The following CTNND2 variants were observed in gnomAD, a reference collection of about 807,000 sequenced individuals.
The protein encoded by CTNND2 is catenin delta-2.
CTNND2 carries 22 observed loss-of-function variants against 144.4 expected under a neutral mutation model. The ratio of observed to expected loss-of-function variants is 0.15; its 90% confidence interval spans 0.11 to 0.22. The LOEUF is 0.22. CTNND2 is among the 10% of genes least tolerant of loss of function. The probability of loss-of-function intolerance (pLI) is 1.00; values close to 1 mark genes in which losing one functional copy is unlikely to be tolerated. For missense variants in CTNND2, 1,353 were observed against 1,618.8 expected, an observed-to-expected ratio of 0.84 and a Z score of 2.82; for synonymous variants, 751 against 695.6, an observed-to-expected ratio of 1.08 and a Z score of -1.25.
chr5:11,067,469 G>A (rs575830593), intron 16 of CTNND2, among the ~76,000 whole-genome samples: 5 of 152,326 alleles, frequency 3.3e-5, no homozygotes, highest in Admixed American at 6.5e-5. Context: ...GGGCCAAAGC[G>A]CAAGAGGGAA....
chr5:11,714,510 T>G (rs1786233085), intron 2 of CTNND2, among the ~76,000 whole-genome samples: 2 of 152,162 alleles, frequency 1.3e-5, no homozygotes, highest in African/African-American at 4.8e-5. Context: ...AATGCCATTC[T>G]CACATTTAAT....
chr5:11,816,659 GAGA>G (rs1561822605), intron 1 of CTNND2, among the ~76,000 whole-genome samples: 5 of 8,072 alleles, frequency 6.2e-4, no homozygotes, highest in East Asian at 4.6e-3. Flanking sequence ...GAGAGAGAGA[GAGA>G]GGAGGAGAGA....
At position 11,433,766 on chromosome 5, in the gene CTNND2, C is replaced by G. The variant is rs150016553; in HGVS notation, c.288-21697G>C. The stretch of plus-strand genomic sequence containing the variant: ...CTGTCCCCATGACACAAACACCTCT[C>G]ACCAGACCCCACCTCCTGCATTGGG... On this transcript the variant is annotated intron_variant, in intron 3 of 21. Transcript: ENST00000304623. Among the ~76,000 whole-genome samples the G allele has an allele frequency of 1.1e-3, 160 of 152,318 alleles. 1 individual carries two copies. Among genetic ancestry groups the G allele is most frequent in the African/African-American group, 3.7e-3 (152 of 41,562 alleles).
At chr5:11,716,192 T>C (rs921509750) in intron 2 of CTNND2, among the ~76,000 whole-genome samples, 1 of 152,234 alleles carries the variant, frequency 6.6e-6, no homozygotes, top group Non-Finnish European at 1.5e-5. Flanking sequence ...CGGATTCCTT[T>C]ATACCAGGTC....
intron 9 of CTNND2, among the ~76,000 whole-genome samples, chr5:11,241,118 CAT>C (rs1394919882): frequency 1.3e-5 from 2 of 151,606 alleles, no homozygotes; most frequent in African/African-American, 4.8e-5. Flanking sequence ...TACACACACA[CAT>C]CCAACACGCT....
chr5:11,238,237 T>C (rs1253088014), intron 9 of CTNND2, among the ~76,000 whole-genome samples: 5 of 152,100 alleles, frequency 3.3e-5, no homozygotes, highest in Non-Finnish European at 7.4e-5. Flanking sequence ...AGAAATAAAA[T>C]AGCAACCTCC....
At chr5:11,753,829 T>C (rs1222741470) in intron 1 of CTNND2, among the ~76,000 whole-genome samples, 4 of 151,824 alleles carry the variant, frequency 2.6e-5, no homozygotes, top group African/African-American at 4.8e-5. Flanking sequence ...AGTGTTTTTA[T>C]TACTGATTCA....
intron 2 of CTNND2, among the ~76,000 whole-genome samples, chr5:11,726,902 A>C (rs1787054143): frequency 6.6e-6 from 1 of 152,214 alleles, no homozygotes; most frequent in Non-Finnish European, 1.5e-5. Flanking sequence ...AAGAGTTATA[A>C]ACTGAAACTA....
chr5:11,163,834 G>T (rs569692547), intron 11 of CTNND2, among the ~76,000 whole-genome samples: 4 of 152,098 alleles, frequency 2.6e-5, no homozygotes, highest in African/African-American at 9.7e-5. Context: ...CATTCTTCAC[G>T]TTTGCAATTC....
chr5:11,199,580 C>T lies in CTNND2; in HGVS notation c.1843G>A (p.Ala615Thr). Reference protein sequence around the residue: ...MTEVHRSACGALRNLVYGKAN... With the variant: ...MTEVHRSACGTLRNLVYGKAN... ...TTCCCATACACCAGGTTTCTCAGAGCTCCACAGGCACTACGGTGGACTTCG... is the reference window on the plus strand; with the variant it reads ...TTCCCATACACCAGGTTTCTCAGAGTTCCACAGGCACTACGGTGGACTTCG... Residue 615 changes from alanine (A) to threonine (T), a missense_variant, in exon 11 of 22, where the codon GCT becomes ACT. Physicochemically the swap from Ala to Thr is moderately conservative, Grantham distance 58. This residue lies in a region of CTNND2 where 69 missense variants were observed against 120.3 expected (regional missense o/e 0.57). Coordinates refer to ENST00000304623, the MANE Select transcript of CTNND2 (RefSeq NM_001332.4). 2.5e-6 allele frequency: 4 copies of T among 1,614,172 alleles called. No individual in the cohort carries two copies. The highest frequency in any genetic ancestry group is 3.4e-6 in the Non-Finnish European group (4 of 1,180,032).
At chr5:11,874,665 A>T (rs1469759177) in intron 1 of CTNND2, among the ~76,000 whole-genome samples, 2 of 152,214 alleles carry the variant, frequency 1.3e-5, no homozygotes, top group Non-Finnish European at 2.9e-5. Flanking sequence ...GGACAGCGAG[A>T]TTTCAGCATA....
At chr5:11,789,850 CCTTTA>C (rs1025070415) in intron 1 of CTNND2, among the ~76,000 whole-genome samples, 1 of 152,114 alleles carries the variant, frequency 6.6e-6, no homozygotes, top group Non-Finnish European at 1.5e-5. Flanking sequence ...ATTGGTAACT[CCTTTA>C]CAAGTTTAAG....
chr5:11,199,564 A>G lies in CTNND2; in HGVS notation c.1859T>C (p.Val620Ala), dbSNP rs749759106. 1 of 1,614,182 alleles carries G rather than the reference A, an allele frequency of 6.2e-7. No individual in the cohort carries two copies. The highest frequency in any genetic ancestry group is 8.5e-7 in the Non-Finnish European group (1 of 1,180,038). ...GTTATCATCGTTGGCCTTCCCATAC[A>G]CCAGGTTTCTCAGAGCTCCACAGGC... is the stretch of plus-strand genomic sequence containing the variant. ...RSACGALRNL[V>A]YGKANDDNKI... The change falls in exon 11 of 22, where the codon GTG becomes GCG. Residue 620 changes from valine (V) to alanine (A), a missense_variant. By Grantham distance (64) the Val-to-Ala change is moderately conservative. Around this residue, in one of 4 missense-constraint regions of CTNND2, gnomAD observed 69 missense variants for 120.3 expected, o/e 0.57. Coordinates refer to ENST00000304623, the MANE Select transcript of CTNND2 (RefSeq NM_001332.4).
At chr5:11,685,283 C>T (rs1784596984) in intron 2 of CTNND2, among the ~76,000 whole-genome samples, 1 of 152,178 alleles carries the variant, frequency 6.6e-6, no homozygotes, top group Non-Finnish European at 1.5e-5. Context: ...AAAAGGTGAA[C>T]ACATATTCAG....
chr5:11,689,839 A>G (rs577236821), intron 2 of CTNND2, among the ~76,000 whole-genome samples: 5 of 152,222 alleles, frequency 3.3e-5, no homozygotes, highest in Non-Finnish European at 5.9e-5. Flanking sequence ...TGATCCCATC[A>G]TCTCTTTCCA....
chr5:11,526,584 C>T (rs148478019), intron 3 of CTNND2, among the ~76,000 whole-genome samples: 13 of 152,300 alleles, frequency 8.5e-5, no homozygotes, highest in African/African-American at 1.7e-4. Flanking sequence ...GTTTGCCACA[C>T]GCCAGCCCTC....
chr5:11,074,923 T>A (rs1168537210), intron 16 of CTNND2, among the ~76,000 whole-genome samples: 1 of 152,166 alleles, frequency 6.6e-6, no homozygotes, highest in African/African-American at 2.4e-5. Context: ...AAAGGAAGCT[T>A]GAAAGGATGG....
Position 11,388,760 on chromosome 5 carries a change from A to C in CTNND2, c.613-3531T>G, listed in dbSNP as rs568499188. Among the ~76,000 whole-genome samples the C allele has an allele frequency of 1.6e-3, 239 of 152,374 alleles. 1 individual carries two copies. The highest frequency in any genetic ancestry group is 3.4e-3 in the Middle Eastern group (1 of 294). On this transcript the variant is annotated intron_variant, in intron 6 of 21. Coordinates refer to ENST00000304623, the MANE Select transcript of CTNND2 (RefSeq NM_001332.4). ...CAAGCCAGCTGCACAATCATAGGAC[A>C]GTTTATTACTACCCATCGTTGCATT... is the stretch of plus-strand genomic sequence containing the variant.
chr5:11,092,984 T>C (rs1750922577), intron 15 of CTNND2, among the ~76,000 whole-genome samples: 1 of 152,228 alleles, frequency 6.6e-6, no homozygotes, highest in Non-Finnish European at 1.5e-5. Flanking sequence ...CCCAGTTCTC[T>C]TGCATTTTTT....
Sources: gnomAD v4.1 joint callset for allele counts (sites outside exome capture counted in the v4.1 genomes callset) on GRCh38, gnomAD v4.1.1 for gene constraint, gnomAD v4.1.1 regional missense constraint, MANE v1.5 for transcripts, NCBI Gene and HGNC (gene_info 2026-07-23, HGNC 2026-07-21) for gene names.